The following CFAP61 variants were observed in gnomAD, a reference collection of about 807,000 sequenced individuals.
CFAP61 encodes cilia and flagella associated protein 61.
In CFAP61, 107 loss-of-function variants were observed where a neutral mutation model predicts 135.6. The ratio of observed to expected loss-of-function variants is 0.79; its 90% CI spans 0.67 to 0.93. CFAP61 has a LOEUF of 0.93. Among genes scored for constraint, CFAP61 ranks in the 40% least tolerant of loss-of-function variants. The pLI, the probability that CFAP61 is intolerant of heterozygous loss-of-function variation, is 0.00. For missense variants in CFAP61, 1,507 were observed against 1,556.2 expected (o/e 0.97, Z 0.53); for synonymous variants, 575 against 578.5 (o/e 0.99, Z 0.09).
chr20:20,166,450 G>A lies in CFAP61; in HGVS notation c.1245+14G>A. ...AGTCTTTTTTCTGTAAGTACATGCT[G>A]AATTTTGAGAACTGATTTTGTAAGC... On this transcript the variant is annotated intron_variant, in intron 12 of 26. Coordinates refer to ENST00000245957, the MANE Select transcript of CFAP61 (RefSeq NM_015585.4). 2 of 1,601,578 alleles carry A rather than the reference G, an allele frequency of 1.2e-6. No individual in the cohort carries two copies. The highest frequency in any genetic ancestry group is 1.7e-6 in the Non-Finnish European group (2 of 1,168,904).
chr20:20,210,906 C>G (rs2047587459), intron 17 of CFAP61, among the ~76,000 whole-genome samples: 1 of 152,128 alleles, frequency 6.6e-6, no homozygotes. Flanking sequence ...AGGAGGATCA[C>G]TTGAAGCCAG....
rs192263951 is a variant in CFAP61 at position 20,177,288 on chromosome 20, C to T, written c.1385+7828C>T. On this transcript the variant is annotated intron_variant, in intron 13 of 26. Coordinates refer to ENST00000245957, the MANE Select transcript of CFAP61 (RefSeq NM_015585.4). ...TTTTGCATTTCAAAATTTAGGTTAA[C>T]GATGAGAATGCTTTCATTTGGAAAG... Among the ~76,000 whole-genome samples, 561 of 150,912 alleles carry T rather than the reference C, an allele frequency of 3.7e-3. 2 individuals are homozygous for T. The highest frequency in any genetic ancestry group is 6.6e-3 in the Non-Finnish European group (449 of 67,850).
chr20:20,075,009 A>G (rs1177716131), intron 4 of CFAP61, among the ~76,000 whole-genome samples, 180 bp from the exon 5 acceptor site: 1 of 152,226 alleles, frequency 6.6e-6, no homozygotes, highest in Non-Finnish European at 1.5e-5. Context: ...CCCAAGGAAA[A>G]GTAGAGAAGA....
intron 17 of CFAP61, among the ~76,000 whole-genome samples, chr20:20,208,612 A>AT (rs2056964794): frequency 6.6e-6 from 1 of 152,250 alleles, no homozygotes; most frequent in Non-Finnish European, 1.5e-5. Flanking sequence ...ATTGAGTTGA[A>AT]TTTCTAGTCT....
Position 20,298,291 on chromosome 20 carries a change from C to A in CFAP61, c.3327C>A (p.Pro1109=), listed in dbSNP as rs376265523. Residue 1109 remains proline, a synonymous_variant, in exon 25 of 27, where the codon CCC becomes CCA. Transcript: ENST00000245957. ...TITCLSREPF[P]ASNYIRLFGQ... is the part of the protein sequence containing the mutation. ...CGTGCCTTTCTAGGGAGCCCTTCCC[C>A]GCCTCCAACTACATCCGCTTGTTTG... The A allele has an allele frequency of 3.7e-6, 6 of 1,613,982 alleles. No individual in the cohort carries two copies.
chr20:20,348,235 C>T (rs867684316), intron 26 of CFAP61, among the ~76,000 whole-genome samples: 51 of 152,070 alleles, frequency 3.4e-4, no homozygotes, highest in African/African-American at 1.0e-3. Context: ...GACCAACACC[C>T]CTTTTAAATT....
chr20:20,079,165 T>G (rs2046260771), intron 6 of CFAP61, among the ~76,000 whole-genome samples: 1 of 152,208 alleles, frequency 6.6e-6, no homozygotes, highest in South Asian at 2.1e-4. Context: ...CAGCCTGATT[T>G]GCTCTTTTTC....
intron 25 of CFAP61, among the ~76,000 whole-genome samples, chr20:20,329,279 A>G (rs898484405): frequency 6.6e-6 from 1 of 152,142 alleles, no homozygotes; most frequent in South Asian, 2.1e-4. Context: ...CCAACTGGAC[A>G]TTCCCACTTT....
At chr20:20,281,455 G>A (rs927093374) in intron 22 of CFAP61, among the ~76,000 whole-genome samples, 1 of 152,048 alleles carries the variant, frequency 6.6e-6, no homozygotes, top group Non-Finnish European at 1.5e-5. Flanking sequence ...TTTTTATCAT[G>A]AACGGCTGTT....
chr20:20,175,838 C>T (rs1334618416), intron 13 of CFAP61, among the ~76,000 whole-genome samples: 1 of 152,062 alleles, frequency 6.6e-6, no homozygotes, highest in Non-Finnish European at 1.5e-5. Context: ...GCTGGGGCTT[C>T]TGCTTTTTTA....
In CFAP61 at chr20:20,337,102, C is replaced by A. The variant is rs538988075; in HGVS notation, c.3423-4729C>A. Among the ~76,000 whole-genome samples the A allele has an allele frequency of 3.9e-5, 6 of 152,144 alleles. No individual in the cohort carries two copies. In the South Asian group the frequency reaches 6.2e-4, roughly 16 times the overall value. ...CAGAGAAGAGAGGGAGAAAAGTTTACGTGGAAGCATAGGGAAGGAAGGGAT... is the reference window on the plus strand; with the variant it reads ...CAGAGAAGAGAGGGAGAAAAGTTTAAGTGGAAGCATAGGGAAGGAAGGGAT... On this transcript the variant is annotated intron_variant, in intron 25 of 26. Coordinates refer to ENST00000245957, the MANE Select transcript of CFAP61 (RefSeq NM_015585.4).
chr20:20,343,501 A>G (rs560759430), intron 26 of CFAP61, among the ~76,000 whole-genome samples: 16 of 152,320 alleles, frequency 1.1e-4, no homozygotes, highest in Middle Eastern at 3.4e-3. Context: ...GCATGTGGCA[A>G]TGGAATCCAC....
chr20:20,233,419 G>A (rs1387111379), intron 18 of CFAP61, among the ~76,000 whole-genome samples: 1 of 152,202 alleles, frequency 6.6e-6, no homozygotes, highest in Non-Finnish European at 1.5e-5. Context: ...CGGCATGGGA[G>A]CGAGGCCCAG....
At chr20:20,137,273 C>T (rs887143899) in intron 8 of CFAP61, among the ~76,000 whole-genome samples, 1 of 152,156 alleles carries the variant, frequency 6.6e-6, no homozygotes, top group Admixed American at 6.5e-5. Context: ...TCTCTCAAGG[C>T]CCTAGGGCTC....
intron 2 of CFAP61, among the ~76,000 whole-genome samples, chr20:20,070,358 C>G (rs1294163792): frequency 6.6e-6 from 1 of 152,180 alleles, no homozygotes; most frequent in Non-Finnish European, 1.5e-5. Context: ...TGAGATGGAG[C>G]TAGACTGTTA....
At chr20:20,327,925 T>A (rs1408846673) in intron 25 of CFAP61, among the ~76,000 whole-genome samples, 5 of 152,002 alleles carry the variant, frequency 3.3e-5, no homozygotes, top group Admixed American at 6.5e-5. Flanking sequence ...TCACTCATAA[T>A]GATGTCAGCA....
At chr20:20,134,292 A>T (rs929481840) in intron 8 of CFAP61, among the ~76,000 whole-genome samples, 6 of 152,212 alleles carry the variant, frequency 3.9e-5, no homozygotes, top group Non-Finnish European at 7.3e-5. Context: ...CCTAGCAGTG[A>T]TATCAAAGAG....
At chr20:20,228,594 A>G in intron 18 of CFAP61, 1 of 411,794 alleles carries the variant, frequency 2.4e-6, no homozygotes, top group Admixed American at 3.5e-5. Context: ...GCTTTTGTAA[A>G]TAAAGCTTTA....
chr20:20,059,005 A>G (rs1446891052), intron 2 of CFAP61, among the ~76,000 whole-genome samples: 3 of 152,170 alleles, frequency 2.0e-5, no homozygotes. Context: ...TATGTTTACT[A>G]TGTCTAAAAT....
Sources: allele counts gnomAD v4.1 joint callset (sites outside exome capture counted in the v4.1 genomes callset), GRCh38; gene constraint gnomAD v4.1.1; transcripts MANE v1.5; gene names NCBI Gene and HGNC (gene_info 2026-07-23, HGNC 2026-07-21).